Variants in CTNNA3 observed in about 807,000 individuals in gnomAD.
CTNNA3 encodes the protein catenin alpha-3.
CTNNA3 carries 76 observed loss-of-function variants against 95.7 expected under a neutral mutation model. That is an observed-to-expected ratio of 0.79 (90% CI 0.66 to 0.96). The LOEUF (loss-of-function observed/expected upper bound fraction) is 0.96, where lower values mean the gene tolerates loss of function less well. Among genes scored for constraint, CTNNA3 ranks in the 40% least tolerant of loss-of-function variants. The pLI is 0.00. For synonymous variants in CTNNA3, 431 were observed against 374.4 expected, an observed-to-expected ratio of 1.15 and a Z score of -1.74; for missense variants, 1,191 against 1,089.8, an observed-to-expected ratio of 1.09 and a Z score of -1.31.
chr10:67,137,971 A>T (rs1589782635), intron 7 of CTNNA3, among the ~76,000 whole-genome samples: 1 of 151,970 alleles, frequency 6.6e-6, no homozygotes, highest in East Asian at 1.9e-4. Flanking sequence ...CCTAAGGTTC[A>T]AGCTTATGCA....
chr10:65,939,191 C>A (rs2077390104), intron 17 of CTNNA3, among the ~76,000 whole-genome samples: 1 of 152,174 alleles, frequency 6.6e-6, no homozygotes, highest in African/African-American at 2.4e-5. Context: ...AGGCGTAAGC[C>A]ACCGCGCCCT....
chr10:67,248,322 T>C (rs1865980523), intron 5 of CTNNA3, among the ~76,000 whole-genome samples: 1 of 152,102 alleles, frequency 6.6e-6, no homozygotes, highest in Non-Finnish European at 1.5e-5. Flanking sequence ...TAGGCAAGAG[T>C]GAGACCCTGT....
At chr10:67,240,423 A>G (rs374653071) in intron 5 of CTNNA3, among the ~76,000 whole-genome samples, 1 of 152,276 alleles carries the variant, frequency 6.6e-6, no homozygotes, top group East Asian at 1.9e-4. Context: ...GTCTTAACTG[A>G]GCTGAAGGAT....
intron 5 of CTNNA3, among the ~76,000 whole-genome samples, chr10:67,497,796 T>C (rs550774477): frequency 3.9e-5 from 6 of 152,210 alleles, no homozygotes; most frequent in Non-Finnish European, 8.8e-5. Flanking sequence ...TTGTTTCTTG[T>C]AAATTTGTTT....
chr10:67,421,093 A>G (rs923760043), intron 5 of CTNNA3, among the ~76,000 whole-genome samples: 1 of 152,182 alleles, frequency 6.6e-6, no homozygotes, highest in East Asian at 1.9e-4. Flanking sequence ...AGGGAACAGG[A>G]AAGGAAGAAG....
chr10:66,334,737 C>A (rs1232842675), intron 12 of CTNNA3, among the ~76,000 whole-genome samples: 3 of 151,906 alleles, frequency 2.0e-5, no homozygotes, highest in Non-Finnish European at 4.4e-5. Flanking sequence ...CGAGGAGTAT[C>A]TTTGTGGCAT....
At chr10:67,230,651 A>T (rs1589055675) in intron 5 of CTNNA3, among the ~76,000 whole-genome samples, 1 of 152,254 alleles carries the variant, frequency 6.6e-6, no homozygotes, top group Non-Finnish European at 1.5e-5. Flanking sequence ...GACAATGCTC[A>T]AAAGAAGATA....
chr10:67,422,833 C>T (rs1296379014), intron 5 of CTNNA3, among the ~76,000 whole-genome samples: 3 of 152,100 alleles, frequency 2.0e-5, no homozygotes, highest in African/African-American at 7.2e-5. Flanking sequence ...TCATAAGTTA[C>T]CCAGTCTCAG....
intron 7 of CTNNA3, among the ~76,000 whole-genome samples, chr10:67,174,386 A>C (rs1165223411): frequency 6.6e-6 from 1 of 152,148 alleles, no homozygotes. Context: ...TGAGCACTGC[A>C]CAAGCTCCTC....
chr10:66,088,488 TGTGTG>T (rs2081073297), intron 14 of CTNNA3, among the ~76,000 whole-genome samples: 2 of 27,640 alleles, frequency 7.2e-5, no homozygotes, highest in African/African-American at 1.9e-4. Context: ...AGGTGTTTTG[TGTGTG>T]TGTGTGTGTG....
At chr10:67,493,387 C>G (rs983892954) in intron 5 of CTNNA3, among the ~76,000 whole-genome samples, 34 of 151,958 alleles carry the variant, frequency 2.2e-4, no homozygotes, top group African/African-American at 7.5e-4. Context: ...TGGTGAAACC[C>G]CGTCTCTACT....
chr10:66,712,489 CT>C (rs1848326293), intron 9 of CTNNA3, among the ~76,000 whole-genome samples: 1 of 152,038 alleles, frequency 6.6e-6, no homozygotes, highest in African/African-American at 2.4e-5. Context: ...AATGGTTTAA[CT>C]TTAGCTGAAA....
chr10:66,232,861 C>CA (rs1162080466), intron 13 of CTNNA3, among the ~76,000 whole-genome samples: 4 of 152,004 alleles, frequency 2.6e-5, no homozygotes, highest in African/African-American at 9.7e-5. Context: ...CAACATCTGT[C>CA]AACAATCAAT....
intron 9 of CTNNA3, among the ~76,000 whole-genome samples, chr10:66,693,825 C>T (rs1166498320): frequency 6.6e-6 from 1 of 152,144 alleles, no homozygotes; most frequent in Non-Finnish European, 1.5e-5. Flanking sequence ...AACCACTCAA[C>T]TACATGGAAA....
chr10:67,699,928 C>T (rs1012705732), upstream of CTNNA3, among the ~76,000 whole-genome samples: 9 of 152,232 alleles, frequency 5.9e-5, no homozygotes, highest in Admixed American at 1.3e-4. Context: ...CCTAATACTG[C>T]GCTTTTCCGA....
chr10:67,644,147 C>T (rs959798867), intron 2 of CTNNA3, among the ~76,000 whole-genome samples: 2 of 152,212 alleles, frequency 1.3e-5, no homozygotes, highest in Admixed American at 6.5e-5. Flanking sequence ...TACACTCCCA[C>T]CAACAGTGTA....
chr10:67,733,026 A>G (rs936478752), intron 1 of CTNNA3, among the ~76,000 whole-genome samples: 1 of 152,168 alleles, frequency 6.6e-6, no homozygotes, highest in Non-Finnish European at 1.5e-5. Context: ...AAATCCACAC[A>G]GATGTGAATA....
chr10:66,319,661 T>C (rs1190951078), intron 12 of CTNNA3, among the ~76,000 whole-genome samples: 2 of 152,128 alleles, frequency 1.3e-5, no homozygotes, highest in African/African-American at 4.8e-5. Context: ...ACCATACACC[T>C]ATAAATTTCT....
At chr10:67,514,174 C>G (rs934661928) in intron 5 of CTNNA3, among the ~76,000 whole-genome samples, 3 of 151,938 alleles carry the variant, frequency 2.0e-5, no homozygotes, top group Non-Finnish European at 4.4e-5. Flanking sequence ...GTGGTGGATG[C>G]CTGTAATTCC....
Sources: allele counts gnomAD v4.1 joint callset (sites outside exome capture counted in the v4.1 genomes callset), GRCh38; gene constraint gnomAD v4.1.1; transcripts MANE v1.5; gene names NCBI Gene and HGNC (gene_info 2026-07-23, HGNC 2026-07-21).